STK32A: variants seen among roughly 807,000 people sequenced by gnomAD.
The protein encoded by STK32A is serine/threonine kinase 32A.
STK32A carries 41 observed loss-of-function variants against 53.2 expected under a neutral mutation model. The ratio of observed to expected loss-of-function variants is 0.77; its 90% confidence interval spans 0.60 to 1.00. The LOEUF (loss-of-function observed/expected upper bound fraction) is 1.00, where lower values mean the gene tolerates loss of function less well. Among genes scored for constraint, STK32A ranks in the 50% least tolerant of loss-of-function variants. The pLI is 0.00. For synonymous variants in STK32A, 166 were observed against 162.8 expected (o/e 1.02, Z -0.15); for missense variants, 458 against 485.8 (o/e 0.94, Z 0.54).
intron 7 of STK32A, among the ~76,000 whole-genome samples, chr5:147,353,189 T>C (rs1056606814): frequency 1.4e-4 from 21 of 152,264 alleles, no homozygotes; most frequent in African/African-American, 4.6e-4. Context: ...TAGGAAAAGA[T>C]AGAAGGACGT....
downstream of STK32A, among the ~76,000 whole-genome samples, chr5:147,390,554 A>G (rs916980531): frequency 6.6e-6 from 1 of 151,868 alleles, no homozygotes; most frequent in Non-Finnish European, 1.5e-5. Context: ...CCCAAATGGC[A>G]TATAATACTA....
chr5:147,365,543 C>T (rs1021203509), intron 8 of STK32A, among the ~76,000 whole-genome samples: 2 of 151,724 alleles, frequency 1.3e-5, no homozygotes, highest in African/African-American at 4.8e-5. Context: ...AGATACGCTA[C>T]TCATGATTAT....
intron 2 of STK32A, among the ~76,000 whole-genome samples, chr5:147,263,573 CT>C (rs1754678440): frequency 6.6e-6 from 1 of 152,074 alleles, no homozygotes. Flanking sequence ...AAGAAAATAG[CT>C]TTCGGAGAGC....
chr5:147,336,052 T>G (rs1418194481), intron 5 of STK32A, among the ~76,000 whole-genome samples: 1 of 152,164 alleles, frequency 6.6e-6, no homozygotes, highest in African/African-American at 2.4e-5. Context: ...TAGAAATCCC[T>G]GGGGTTGGAT....
intron 7 of STK32A, among the ~76,000 whole-genome samples, chr5:147,355,899 T>C (rs965738894): frequency 6.6e-6 from 1 of 151,884 alleles, no homozygotes; most frequent in Non-Finnish European, 1.5e-5. Context: ...AGACATTTTT[T>C]CCTAAGCACA....
intron 4 of STK32A, among the ~76,000 whole-genome samples, chr5:147,302,408 T>C (rs73260274): frequency 0.017 from 2,582 of 152,238 alleles, 73 homozygotes; most frequent in African/African-American, 0.059. Flanking sequence ...AGTGTAGACA[T>C]TGGGGATCAT....
At chr5:147,242,536 G>A (rs549394083) in intron 2 of STK32A, among the ~76,000 whole-genome samples, 3 of 152,190 alleles carry the variant, frequency 2.0e-5, no homozygotes, top group African/African-American at 4.8e-5. Context: ...GGGTGGCTGC[G>A]GTTGTCTTTC....
At chr5:147,345,970 A>C (rs906525624) in intron 6 of STK32A, among the ~76,000 whole-genome samples, 2 of 152,140 alleles carry the variant, frequency 1.3e-5, no homozygotes, top group East Asian at 3.9e-4. Context: ...ACTGAGAGCC[A>C]TTTTCTAAAC....
chr5:147,319,941 A>G (rs1754219420), intron 4 of STK32A, among the ~76,000 whole-genome samples: 1 of 152,160 alleles, frequency 6.6e-6, no homozygotes, highest in African/African-American at 2.4e-5. Flanking sequence ...CCCTACTATC[A>G]TGGTTTTCAA....
chr5:147,321,006 C>T (rs1038904627), intron 4 of STK32A, among the ~76,000 whole-genome samples: 22 of 152,158 alleles, frequency 1.4e-4, no homozygotes, highest in African/African-American at 1.9e-4. Flanking sequence ...TCCAAGATTA[C>T]GCAGACAGAG....
rs992766378 is a variant in STK32A, at chr5:147,309,153, C to A, written c.261-14745C>A. On this transcript the variant is annotated intron_variant, in intron 4 of 12. Transcript: ENST00000397936. The stretch of plus-strand genomic sequence containing the variant: ...GGTGAGATGAATGTGACTCAGGGCA[C>A]AGGTGAATGAGCTGACCTTAGGTGG... Among the ~76,000 whole-genome samples, 20 of 152,150 alleles carry A rather than the reference C, an allele frequency of 1.3e-4. No individual in the cohort carries two copies. The South Asian group carries it at 2.7e-3, about 21-fold the overall frequency.
rs1177397588 is a variant in STK32A, at chr5:147,384,533, G to C, written c.*550G>C. Reference sequence around the variant, plus strand: ...ATTAAAAGTAACAGAGATGGATGAGGGCCTTCCAGTGATATGCGTGAATCA... The same window carrying C: ...ATTAAAAGTAACAGAGATGGATGAGCGCCTTCCAGTGATATGCGTGAATCA... On this transcript the variant is annotated 3_prime_UTR_variant, in exon 13 of 13. Transcript: ENST00000397936. 1 of 1,051,522 alleles carries C rather than the reference G, an allele frequency of 9.5e-7. No individual in the cohort carries two copies. Among genetic ancestry groups the C allele is most frequent in the Admixed American group, 2.1e-5 (1 of 46,550 alleles). The allele number at this position is 1,051,522 out of a possible 1,614,324, so 65.1% of individuals were successfully genotyped here. A position where few individuals can be genotyped will look rare whatever the true frequency, so the allele number is the denominator to read the frequency against.
At chr5:147,266,084 C>T (rs1322641032) in intron 2 of STK32A, among the ~76,000 whole-genome samples, 2 of 152,150 alleles carry the variant, frequency 1.3e-5, no homozygotes, top group Non-Finnish European at 2.9e-5. Flanking sequence ...TTTCTGTTGC[C>T]ATAATGAGGT....
intron 5 of STK32A, among the ~76,000 whole-genome samples, chr5:147,339,239 A>T (rs1044265048): frequency 4.6e-5 from 7 of 152,308 alleles, no homozygotes; most frequent in Admixed American, 2.0e-4. Context: ...AGGGGCCAAC[A>T]TACAGTTCAG....
chr5:147,259,898 T>TCCTCTCTCTCTCTCC (rs1561674376), intron 2 of STK32A, among the ~76,000 whole-genome samples: 6 of 138,384 alleles, frequency 4.3e-5, no homozygotes, highest in African/African-American at 1.7e-4. Flanking sequence ...TCTTTCTCTC[T>TCCTCTCTCTCTCTCC]CCTCTCTCTC....
In STK32A at chr5:147,351,051, TTC is replaced by T; in HGVS notation, c.473-6_473-5del. 6.2e-7 allele frequency: 1 copy of T among 1,612,472 alleles called. No individual in the cohort carries two copies. Among genetic ancestry groups the T allele is most frequent in the Non-Finnish European group, 8.5e-7 (1 of 1,178,730 alleles). Reference sequence around the variant, plus strand: ...TGGGACTTAACTTTCTGTGTGGTTCTTCTCTCTCTGCAGGGCACGTGCACATC... The same window carrying T: ...TGGGACTTAACTTTCTGTGTGGTTCTTCTCTCTGCAGGGCACGTGCACATC... On this transcript the variant is annotated splice_polypyrimidine_tract_variant and intron_variant, in intron 6 of 12. Transcript: ENST00000397936.
intron 2 of STK32A, among the ~76,000 whole-genome samples, chr5:147,270,710 C>A (rs542935066): frequency 7.9e-5 from 12 of 152,248 alleles, no homozygotes; most frequent in African/African-American, 2.9e-4. Flanking sequence ...TGCAGCTTCA[C>A]TCAGCATTAA....
At position 147,387,515 on chromosome 5, in the gene STK32A, T is replaced by C. The variant is rs1345834266; in HGVS notation, c.*3532T>C. 1.3e-5 allele frequency: 2 copies of C among 152,240 alleles called. No homozygotes were observed. Among genetic ancestry groups the C allele is most frequent in the African/African-American group, 2.4e-5 (1 of 41,446 alleles). The allele number at this position is 152,240 out of a possible 1,614,324, so 9.4% of individuals were successfully genotyped here. On this transcript the variant is annotated 3_prime_UTR_variant, in exon 13 of 13. Transcript: ENST00000397936. ...AGCTAGTAGGGACCAGTGTTGCTGC[T>C]TGTGGCTGAGGCAGTAATGCTAAGG...
chr5:147,349,235 TA>T (rs1755839402), intron 6 of STK32A, among the ~76,000 whole-genome samples: 1 of 152,170 alleles, frequency 6.6e-6, no homozygotes. Flanking sequence ...TATCATGACA[TA>T]AACAAAGCCA....
Sources: gnomAD v4.1 joint callset for allele counts (sites outside exome capture counted in the v4.1 genomes callset) on GRCh38, gnomAD v4.1.1 for gene constraint, MANE v1.5 for transcripts, NCBI Gene and HGNC (gene_info 2026-07-23, HGNC 2026-07-21) for gene names.